DCUN1D5: variants seen among roughly 807,000 people sequenced by gnomAD.
DCUN1D5 encodes defective in cullin neddylation 1 domain containing 5.
Under a neutral mutation model 38.3 loss-of-function variants are expected in DCUN1D5, and 10 were observed. The observed-to-expected ratio is 0.26, with a 90% CI of 0.16 to 0.44. DCUN1D5 has a LOEUF of 0.44. Among genes scored for constraint, DCUN1D5 ranks in the 20% least tolerant of loss-of-function variants. DCUN1D5 has a pLI of 1.00. For missense variants in DCUN1D5, 148 were observed against 275.3 expected (o/e 0.54, Z 3.27); for synonymous variants, 93 against 90.9 (o/e 1.02, Z -0.13).
rs201932440 is a variant in DCUN1D5, at chr11:103,087,173, CTTT to C, written c.178+2051_178+2053del. On this transcript the variant is annotated intron_variant, in intron 2 of 7. Coordinates refer to ENST00000260247, the MANE Select transcript of DCUN1D5 (RefSeq NM_032299.4). This position sits in a 1 kb window ranked among gnomAD's most constrained non-coding sequence, Gnocchi z 4.1. The stretch of plus-strand genomic sequence containing the variant: ...AAACCCCATTTCTTTTTTTCTTTTT[CTTT>C]TTTTTTTTTTTTGAGGCAGAGTCTC... Among the ~76,000 whole-genome samples, 12 of 138,774 alleles carry C rather than the reference CTTT, an allele frequency of 8.6e-5. No homozygotes were observed. The highest frequency in any genetic ancestry group is 7.2e-5 in the Admixed American group (1 of 13,872). The allele number at this position is 138,774 out of a possible 152,430, so 91.0% of individuals were successfully genotyped here.
rs1862883876 is a variant in DCUN1D5, at chr11:103,091,943, G to A, written c.-71C>T. On this transcript the variant is annotated 5_prime_UTR_variant, in exon 1 of 8. Transcript: ENST00000260247. The surrounding 1 kb of genome is among the most constrained non-coding windows in gnomAD (Gnocchi z 4.3). ...GTCCCTGTCCGCTGGAAGCCCCTCAGCGCTGGCACCCAGTTCCCAGAGACA... is the reference window on the plus strand; with the variant it reads ...GTCCCTGTCCGCTGGAAGCCCCTCAACGCTGGCACCCAGTTCCCAGAGACA... The A allele has an allele frequency of 1.4e-6, 2 of 1,427,480 alleles. No homozygotes were observed. The highest frequency in any genetic ancestry group is 1.4e-5 in the African/African-American group (1 of 70,370). 88.4% of individuals were successfully genotyped at this position (1,427,480 alleles called of 1,614,324 possible). A position where few individuals can be genotyped will look rare whatever the true frequency, so the allele number is the denominator to read the frequency against.
chr11:103,082,869 G>A, intron 3 of DCUN1D5, 30 bp from the exon 4 acceptor site: 1 of 1,541,214 alleles, frequency 6.5e-7, no homozygotes, highest in African/African-American at 1.4e-5. Context: ...AAGGATAGGG[G>A]AAAAGTCAGC....
At position 103,091,732 on chromosome 11, in the gene DCUN1D5, A is replaced by G; in HGVS notation, c.86+55T>C. The G allele has an allele frequency of 6.2e-7, 1 of 1,612,508 alleles. No individual in the cohort carries two copies. Among genetic ancestry groups the G allele is most frequent in the Non-Finnish European group, 8.5e-7 (1 of 1,179,118 alleles). On this transcript the variant is annotated intron_variant, in intron 1 of 7. Coordinates refer to ENST00000260247, the MANE Select transcript of DCUN1D5 (RefSeq NM_032299.4). This position sits in a 1 kb window ranked among gnomAD's most constrained non-coding sequence, Gnocchi z 4.3. ...GGCCGGGCCCGACTCCTTTTCCTCC[A>G]GTTGTCCAGCAAAGGAGGGAGGAGG...
In DCUN1D5 at chr11:103,066,446, A is replaced by C; in HGVS notation, c.450+13T>G. The C allele has an allele frequency of 6.3e-7, 1 of 1,595,118 alleles. No individual in the cohort carries two copies. The highest frequency in any genetic ancestry group is 8.6e-7 in the Non-Finnish European group (1 of 1,166,542). On this transcript the variant is annotated intron_variant, in intron 5 of 7. Coordinates refer to ENST00000260247, the MANE Select transcript of DCUN1D5 (RefSeq NM_032299.4). This position sits in a 1 kb window ranked among gnomAD's most constrained non-coding sequence, Gnocchi z 4.7. ...AAGCTATTAAAACAACAAAACAAGAAAATTGCACCTACCCTTGCAAAATCA... is the reference window on the plus strand; with the variant it reads ...AAGCTATTAAAACAACAAAACAAGACAATTGCACCTACCCTTGCAAAATCA...
Position 103,091,839 on chromosome 11 carries a change from C to A in DCUN1D5, c.34G>T (p.Val12Leu). ...CCGTCTTCCGCTACTGCTGCTGCCA[C>A]CCCAGGGGATTTTCTCTTCTTCTTC... ...PVKKKRKSPG[V>L]AAAVAEDGGL... Residue 12 changes from valine (V) to leucine (L), a missense_variant, in exon 1 of 8, where the codon GTG becomes TTG. By Grantham distance (32) the Val-to-Leu change is conservative. Coordinates refer to ENST00000260247, the MANE Select transcript of DCUN1D5 (RefSeq NM_032299.4). This position sits in a 1 kb window ranked among gnomAD's most constrained non-coding sequence, Gnocchi z 4.3. 2 of 1,613,988 alleles carry A rather than the reference C, an allele frequency of 1.2e-6. No individual in the cohort carries two copies. The highest frequency in any genetic ancestry group is 1.7e-6 in the Non-Finnish European group (2 of 1,179,900).
intron 4 of DCUN1D5, among the ~76,000 whole-genome samples, chr11:103,070,903 A>G (rs1463666849): frequency 6.6e-6 from 1 of 152,208 alleles, no homozygotes; most frequent in Non-Finnish European, 1.5e-5. Flanking sequence ...ACTAGAAATC[A>G]ATAACAGAAA....
intron 4 of DCUN1D5, among the ~76,000 whole-genome samples, chr11:103,068,143 T>G (rs1400135512): frequency 6.6e-6 from 1 of 152,218 alleles, no homozygotes; most frequent in East Asian, 1.9e-4. Flanking sequence ...CATTTTCTAA[T>G]TTGCATTAGC....
chr11:103,082,377 A>C (rs937197760), intron 4 of DCUN1D5, among the ~76,000 whole-genome samples: 2 of 152,122 alleles, frequency 1.3e-5, no homozygotes, highest in African/African-American at 4.8e-5. Context: ...AGGAGGCCCT[A>C]GAGCTTAGGG....
rs1591199350 is a variant in DCUN1D5 at position 103,058,931 on chromosome 11, C to T, written c.*3428G>A. 6.7e-6 allele frequency among the ~76,000 whole-genome samples: 1 copy of T among 149,404 alleles called. No homozygotes were observed. The highest frequency in any genetic ancestry group is 2.4e-5 in the African/African-American group (1 of 40,840). Reference sequence around the variant, plus strand: ...TTTAATTTTATTTTTTATTTTTGGCCTTTTGCTTTAACAAAGAAAGGCATT... The same window carrying T: ...TTTAATTTTATTTTTTATTTTTGGCTTTTTGCTTTAACAAAGAAAGGCATT... On this transcript the variant is annotated 3_prime_UTR_variant, in exon 8 of 8. Transcript: ENST00000260247.
Position 103,091,563 on chromosome 11 carries a change from G to A in DCUN1D5, c.86+224C>T. The A allele has an allele frequency of 3.1e-6, 2 of 642,212 alleles. No individual in the cohort carries two copies. Among genetic ancestry groups the A allele is most frequent in the Non-Finnish European group, 5.3e-6 (2 of 377,764 alleles). 39.8% of individuals were successfully genotyped at this position (642,212 alleles called of 1,614,324 possible). A position where few individuals can be genotyped will look rare whatever the true frequency, so the allele number is the denominator to read the frequency against. ...GCAGGGCACGTAGACTCTTAACGTG[G>A]GCGGCTCTTCTAGTCTCTCCATAAA... is the stretch of plus-strand genomic sequence containing the variant. On this transcript the variant is annotated intron_variant, in intron 1 of 7. Coordinates refer to ENST00000260247, the MANE Select transcript of DCUN1D5 (RefSeq NM_032299.4). The surrounding 1 kb of genome is among the most constrained non-coding windows in gnomAD (Gnocchi z 4.3).
rs552963312 is a variant in DCUN1D5, at chr11:103,057,494, C to T, written c.*4865G>A. Among the ~76,000 whole-genome samples, 3 of 151,824 alleles carry T rather than the reference C, an allele frequency of 2.0e-5. No individual in the cohort carries two copies. The highest frequency in any genetic ancestry group is 7.2e-5 in the African/African-American group (3 of 41,396). On this transcript the variant is annotated 3_prime_UTR_variant, in exon 8 of 8. Coordinates refer to ENST00000260247, the MANE Select transcript of DCUN1D5 (RefSeq NM_032299.4). The surrounding 1 kb of genome is among the most constrained non-coding windows in gnomAD (Gnocchi z 4.8). ...TGAGGTGGGTGGGATCACTTGAGGG[C>T]AGGAGTTTGAGACCAGCCTGGCCAA...
In DCUN1D5 at chr11:103,078,937, G is replaced by A. The variant is rs917030870; in HGVS notation, c.341+3811C>T. Among the ~76,000 whole-genome samples, 5 of 152,018 alleles carry A rather than the reference G, an allele frequency of 3.3e-5. No individual in the cohort carries two copies. Among genetic ancestry groups the A allele is most frequent in the African/African-American group, 1.2e-4 (5 of 41,394 alleles). ...GTATTTCCACTCTAGCACATGTCAC[G>A]TTCTCCTTGGTTTATGGTTACAGCA... On this transcript the variant is annotated intron_variant, in intron 4 of 7. Transcript: ENST00000260247. This position sits in a 1 kb window ranked among gnomAD's most constrained non-coding sequence, Gnocchi z 4.6.
intron 1 of DCUN1D5, among the ~76,000 whole-genome samples, chr11:103,090,078 A>G (rs1862818297): frequency 6.6e-6 from 1 of 152,182 alleles, no homozygotes; most frequent in Non-Finnish European, 1.5e-5. Context: ...ACAATGATAT[A>G]GAAATGATAG....
chr11:103,083,161 A>T lies in DCUN1D5; in HGVS notation c.249+95T>A. The stretch of plus-strand genomic sequence containing the variant: ...TACAATATTAAACATGAAGAAATAA[A>T]ATCTTCATACAAGATTAAAGTGTCT... On this transcript the variant is annotated intron_variant, in intron 3 of 7. Transcript: ENST00000260247. The surrounding 1 kb of genome is among the most constrained non-coding windows in gnomAD (Gnocchi z 4.4). 1.5e-6 allele frequency: 1 copy of T among 679,936 alleles called. No homozygotes were observed. Among genetic ancestry groups the T allele is most frequent in the Middle Eastern group, 2.7e-4 (1 of 3,652 alleles). 42.1% of individuals were successfully genotyped at this position (679,936 alleles called of 1,614,324 possible). A position where few individuals can be genotyped will look rare whatever the true frequency, so the allele number is the denominator to read the frequency against.
chr11:103,079,333 T>C (rs1015997126), intron 4 of DCUN1D5, among the ~76,000 whole-genome samples: 14 of 152,188 alleles, frequency 9.2e-5, no homozygotes, highest in African/African-American at 3.4e-4. Context: ...TAGTAGAATA[T>C]GACTAAAGGA....
Position 103,054,188 on chromosome 11 carries a change from G to T in DCUN1D5, c.*8171C>A, listed in dbSNP as rs1240164569. Reference sequence around the variant, plus strand: ...CTGTTTACTCCAATGACTAAAAAAGGCTTGACCTCCCACTCTCTATGGCTG... The same window carrying T: ...CTGTTTACTCCAATGACTAAAAAAGTCTTGACCTCCCACTCTCTATGGCTG... On this transcript the variant is annotated 3_prime_UTR_variant, in exon 8 of 8. Coordinates refer to ENST00000260247, the MANE Select transcript of DCUN1D5 (RefSeq NM_032299.4). The T allele has an allele frequency of 3.3e-5, 5 of 152,014 alleles. No homozygotes were observed. The highest frequency in any genetic ancestry group is 5.9e-5 in the Non-Finnish European group (4 of 67,990). 9.4% of individuals were successfully genotyped at this position (152,014 alleles called of 1,614,324 possible). A position where few individuals can be genotyped will look rare whatever the true frequency, so the allele number is the denominator to read the frequency against.
At position 103,053,922 on chromosome 11, in the gene DCUN1D5, T is replaced by A. The variant is rs968583214; in HGVS notation, c.*8437A>T. 6.6e-6 allele frequency: 1 copy of A among 152,026 alleles called. No individual in the cohort carries two copies. The highest frequency in any genetic ancestry group is 2.4e-5 in the African/African-American group (1 of 41,420). The allele number at this position is 152,026 out of a possible 1,614,324, so 9.4% of individuals were successfully genotyped here. A position where few individuals can be genotyped will look rare whatever the true frequency, so the allele number is the denominator to read the frequency against. On this transcript the variant is annotated 3_prime_UTR_variant, in exon 8 of 8. Transcript: ENST00000260247. This position sits in a 1 kb window ranked among gnomAD's most constrained non-coding sequence, Gnocchi z 4.8. ...CCTGTATTTCATTTCATCCTCAAAA[T>A]AATGCTATTAGATAAGGACTATTAT...
intron 4 of DCUN1D5, among the ~76,000 whole-genome samples, chr11:103,074,224 T>G (rs1382305949): frequency 6.6e-6 from 1 of 152,164 alleles, no homozygotes; most frequent in African/African-American, 2.4e-5. Flanking sequence ...AAACACACAT[T>G]CAACAAAAGA....
chr11:103,058,087 G>A lies in DCUN1D5; in HGVS notation c.*4272C>T, dbSNP rs191889684. Among the ~76,000 whole-genome samples, 4 of 152,146 alleles carry A rather than the reference G, an allele frequency of 2.6e-5. No homozygotes were observed. The highest frequency in any genetic ancestry group is 3.9e-4 in the East Asian group (2 of 5,182). On this transcript the variant is annotated 3_prime_UTR_variant, in exon 8 of 8. Transcript: ENST00000260247. ...CAATAAAATTGGCATTATAAGACAAGATTCAATACTTAGGTTAAAATCTAA... is the reference window on the plus strand; with the variant it reads ...CAATAAAATTGGCATTATAAGACAAAATTCAATACTTAGGTTAAAATCTAA...
Sources: gnomAD v4.1 joint callset for allele counts (sites outside exome capture counted in the v4.1 genomes callset) on GRCh38, gnomAD v4.1.1 for gene constraint, Gnocchi (gnomAD v3.1) non-coding constraint, MANE v1.5 for transcripts, NCBI Gene and HGNC (gene_info 2026-07-23, HGNC 2026-07-21) for gene names.